The following NR6A1 variants were observed in gnomAD, a reference collection of about 807,000 sequenced individuals.
NR6A1 encodes the protein nuclear receptor subfamily 6 group A member 1, also known as retinoic acid receptor-related testis-associated receptor.
Under a neutral mutation model 59.1 loss-of-function variants are expected in NR6A1, and 7 were observed. That is an observed-to-expected ratio of 0.12 (90% CI 0.07 to 0.22). The LOEUF (loss-of-function observed/expected upper bound fraction) is 0.22, where lower values mean the gene tolerates loss of function less well. NR6A1 is among the 10% of genes least tolerant of loss of function. The pLI is 1.00. For synonymous variants in NR6A1, 243 were observed against 236.1 expected, an observed-to-expected ratio of 1.03 and a Z score of -0.27; for missense variants, 468 against 611.6, an observed-to-expected ratio of 0.77 and a Z score of 2.48.
At chr9:124,727,198 T>C (rs1839747791) in intron 2 of NR6A1, among the ~76,000 whole-genome samples, 1 of 152,224 alleles carries the variant, frequency 6.6e-6, no homozygotes, top group South Asian at 2.1e-4. Context: ...TTATTTTCCC[T>C]GAGTAATTCA....
At chr9:124,612,323 T>A (rs981537617) in intron 2 of NR6A1, among the ~76,000 whole-genome samples, 1 of 152,044 alleles carries the variant, frequency 6.6e-6, no homozygotes, top group Non-Finnish European at 1.5e-5. Flanking sequence ...AGACCCTCCA[T>A]AGAACTGACC....
At chr9:124,670,380 C>G (rs1349957641) in intron 2 of NR6A1, among the ~76,000 whole-genome samples, 1 of 152,172 alleles carries the variant, frequency 6.6e-6, no homozygotes, top group Non-Finnish European at 1.5e-5. Flanking sequence ...CCAAGTGAGA[C>G]ACTTTCAAAG....
intron 2 of NR6A1, among the ~76,000 whole-genome samples, chr9:124,662,711 G>C (rs1301108522): frequency 6.6e-6 from 1 of 152,170 alleles, no homozygotes; most frequent in Non-Finnish European, 1.5e-5. Context: ...ATTTGGACAG[G>C]AGATTGCTTT....
intron 2 of NR6A1, among the ~76,000 whole-genome samples, chr9:124,704,823 C>A (rs898888864): frequency 1.3e-5 from 2 of 152,166 alleles, no homozygotes; most frequent in East Asian, 3.8e-4. Context: ...ACTGCAGCCT[C>A]GAACTCCCAG....
intron 2 of NR6A1, among the ~76,000 whole-genome samples, chr9:124,687,127 T>C (rs1838358922): frequency 6.6e-6 from 1 of 151,756 alleles, no homozygotes; most frequent in Non-Finnish European, 1.5e-5. Flanking sequence ...TTTCTTTCCT[T>C]TTAAGAGATC....
chr9:124,556,866 C>T (rs564495801), intron 2 of NR6A1, among the ~76,000 whole-genome samples: 74 of 143,550 alleles, frequency 5.2e-4, no homozygotes, highest in African/African-American at 2.0e-3. Context: ...AACTAATATA[C>T]CTTTTTTTTT....
intron 1 of NR6A1, among the ~76,000 whole-genome samples, chr9:124,760,280 C>T (rs1840750506): frequency 6.6e-6 from 1 of 151,636 alleles, no homozygotes; most frequent in Non-Finnish European, 1.5e-5. Flanking sequence ...CCACTGCACT[C>T]CAGCCTGGGA....
chr9:124,528,104 A>G (rs368217505), intron 7 of NR6A1, among the ~76,000 whole-genome samples: 1 of 152,230 alleles, frequency 6.6e-6, no homozygotes, highest in Non-Finnish European at 1.5e-5. Context: ...CTATCTGGGT[A>G]GGGTCCAGAA....
In NR6A1 at chr9:124,622,866, C is replaced by T. The variant is rs77464034; in HGVS notation, c.143-68296G>A. 2.5e-4 allele frequency among the ~76,000 whole-genome samples: 38 copies of T among 151,616 alleles called. No individual in the cohort carries two copies. In the East Asian group the frequency reaches 5.8e-3, roughly 23 times the overall value. ...GCACAAGCAGGGCACAATGTCTGAA[C>T]GGGTTCAATTTGAAAAAGGGATTTT... On this transcript the variant is annotated intron_variant, in intron 2 of 9. Transcript: ENST00000487099.
chr9:124,668,648 G>T (rs144620433), intron 2 of NR6A1, among the ~76,000 whole-genome samples: 3 of 152,066 alleles, frequency 2.0e-5, no homozygotes, highest in Non-Finnish European at 4.4e-5. Flanking sequence ...ACAATCATTT[G>T]TTCACTTACA....
intron 2 of NR6A1, chr9:124,693,888 A>T (rs1340692511): frequency 4.6e-6 from 2 of 438,814 alleles, no homozygotes; most frequent in Non-Finnish European, 9.5e-6. Context: ...CCAAAACACT[A>T]GCTAAAGCTT....
intron 2 of NR6A1, among the ~76,000 whole-genome samples, chr9:124,581,379 G>A (rs948679340): frequency 6.6e-6 from 1 of 152,122 alleles, no homozygotes; most frequent in Non-Finnish European, 1.5e-5. Flanking sequence ...CGGATCACGA[G>A]GTCAAGAGAT....
At chr9:124,542,055 T>G (rs1016906671) in intron 4 of NR6A1, among the ~76,000 whole-genome samples, 6 of 152,214 alleles carry the variant, frequency 3.9e-5, no homozygotes, top group Non-Finnish European at 7.3e-5. Context: ...GAGTATAGTG[T>G]TTCAGTCATG....
rs1435792335 is a variant in NR6A1 at position 124,616,360 on chromosome 9, G to A, written c.143-61790C>T. On this transcript the variant is annotated intron_variant, in intron 2 of 9. Transcript: ENST00000487099. ...GGAGATTGCAGTGAGCCAAGATCGC[G>A]CCAATGCACTCCAGCCTGGGCGACA... Among the ~76,000 whole-genome samples the A allele has an allele frequency of 2.1e-5, 3 of 141,786 alleles. No homozygotes were observed. In the Admixed American group the frequency reaches 2.3e-4, roughly 11 times the overall value. The allele number at this position is 141,786 out of a possible 152,430, so 93.0% of individuals were successfully genotyped here.
intron 2 of NR6A1, among the ~76,000 whole-genome samples, chr9:124,673,093 T>C (rs1240313955): frequency 1.3e-5 from 2 of 152,156 alleles, no homozygotes; most frequent in Non-Finnish European, 2.9e-5. Flanking sequence ...AGGCCAAGGC[T>C]AGCGGATTGC....
chr9:124,639,315 G>A (rs978697723), intron 2 of NR6A1, among the ~76,000 whole-genome samples: 2 of 152,168 alleles, frequency 1.3e-5, no homozygotes, highest in Admixed American at 6.5e-5. Flanking sequence ...CAACAATAAC[G>A]AGGTCACTAA....
chr9:124,609,918 G>C (rs1161384547), intron 2 of NR6A1, among the ~76,000 whole-genome samples: 1 of 152,128 alleles, frequency 6.6e-6, no homozygotes, highest in African/African-American at 2.4e-5. Flanking sequence ...GTTATCTGTT[G>C]TTGGTGTATA....
At chr9:124,753,887 A>C (rs181839412) in intron 1 of NR6A1, among the ~76,000 whole-genome samples, 98 of 152,342 alleles carry the variant, frequency 6.4e-4, no homozygotes, top group Non-Finnish European at 7.1e-4. Flanking sequence ...CCTAAGGCTC[A>C]TAATTCTACT....
At position 124,554,272 on chromosome 9, in the gene NR6A1, CTAAAGG is replaced by C. The variant is rs540724020; in HGVS notation, c.385+50_385+55del. ...GGAATAAGTAACTAAACAGCTGACACTAAAGGTAAAGTTTTGAATGAAGGATGGGCC... is the reference window on the plus strand; with the variant it reads ...GGAATAAGTAACTAAACAGCTGACACTAAAGTTTTGAATGAAGGATGGGCC... On this transcript the variant is annotated intron_variant, in intron 3 of 9. Coordinates refer to ENST00000487099, the MANE Select transcript of NR6A1 (RefSeq NM_033334.4). The C allele has an allele frequency of 1.7e-4, 282 of 1,612,106 alleles. No homozygotes were observed. The African/African-American group carries it at 3.5e-3, about 20-fold the overall frequency.
Sources: gnomAD v4.1 joint callset for allele counts (sites outside exome capture counted in the v4.1 genomes callset) on GRCh38, gnomAD v4.1.1 for gene constraint, MANE v1.5 for transcripts, NCBI Gene and HGNC (gene_info 2026-07-23, HGNC 2026-07-21) for gene names.